KDM6A: variants seen among roughly 807,000 people sequenced by gnomAD.
KDM6A encodes lysine demethylase 6A, also known as lysine-specific demethylase 6A.
In KDM6A, 11 loss-of-function variants were observed where a neutral mutation model predicts 117.6. The observed-to-expected ratio is 0.09, with a 90% CI of 0.06 to 0.15. KDM6A has a LOEUF of 0.15. Among genes scored for constraint, KDM6A ranks in the 10% least tolerant of loss-of-function variants. The pLI, the probability that KDM6A is intolerant of heterozygous loss-of-function variation, is 1.00. For synonymous variants in KDM6A, 384 were observed against 396.1 expected, an observed-to-expected ratio of 0.97 and a Z score of 0.36; for missense variants, 799 against 1,077.3, an observed-to-expected ratio of 0.74 and a Z score of 3.62.
At chrX:45,105,568 A>G (rs1016073922) in intron 27 of KDM6A, among the ~76,000 whole-genome samples, 5 of 111,940 alleles carry the variant, frequency 4.5e-5, no homozygotes, top group African/African-American at 1.3e-4. Context: ...TGTATGGGAC[A>G]TGAGGAGGGA....
At chrX:45,049,787 G>C (rs940684487) in intron 8 of KDM6A, among the ~76,000 whole-genome samples, 1 of 111,982 alleles carries the variant, frequency 8.9e-6, no homozygotes, top group African/African-American at 3.2e-5. Flanking sequence ...CTTAATATGC[G>C]CTCGTTCTTC....
At chrX:45,068,460 C>G (rs2044637333) in intron 17 of KDM6A, among the ~76,000 whole-genome samples, 1 of 107,801 alleles carries the variant, frequency 9.3e-6, no homozygotes, top group East Asian at 2.9e-4. Context: ...TTAACAGTAG[C>G]AGTGTATTTT....
chrX:45,070,708 G>GT (rs761072075), intron 18 of KDM6A, among the ~76,000 whole-genome samples: 607 of 98,757 alleles, frequency 6.1e-3, no homozygotes, highest in East Asian at 0.024. Flanking sequence ...AACCCTATGG[G>GT]TTTTTTTTTT....
At chrX:44,967,085 T>C (rs1771620359) in intron 3 of KDM6A, among the ~76,000 whole-genome samples, 2 of 111,117 alleles carry the variant, frequency 1.8e-5, no homozygotes, top group Admixed American at 1.9e-4. Flanking sequence ...TTAGCCAGGA[T>C]GGTCTTGATC....
At chrX:45,078,287 C>G in intron 19 of KDM6A, 113 bp from the exon 20 acceptor site, 1 of 687,691 alleles carries the variant, frequency 1.5e-6, no homozygotes, top group Non-Finnish European at 2.2e-6. Context: ...GAAATATCAC[C>G]CCATAAAATG....
In KDM6A at chrX:45,112,139, A is replaced by C. The variant is rs1174212182; in HGVS notation, c.*728A>C. On this transcript the variant is annotated 3_prime_UTR_variant, in exon 30 of 30. Transcript: ENST00000611820. Reference sequence around the variant, plus strand: ...TTTTTCCAGATTTACCTGCCATTGAAATTTTAAGGAGTTCTGTAATTTCAA... The same window carrying C: ...TTTTTCCAGATTTACCTGCCATTGACATTTTAAGGAGTTCTGTAATTTCAA... 6.1e-6 allele frequency: 1 copy of C among 163,161 alleles called. No homozygotes were observed. Among genetic ancestry groups the C allele is most frequent in the Non-Finnish European group, 1.2e-5 (1 of 84,923 alleles). The allele number at this position is 163,161 out of a possible 1,213,427, so 13.4% of individuals were successfully genotyped here. A position where few individuals can be genotyped will look rare whatever the true frequency, so the allele number is the denominator to read the frequency against.
chrX:44,964,246 C>T (rs953345987), intron 3 of KDM6A, among the ~76,000 whole-genome samples: 6 of 107,513 alleles, frequency 5.6e-5, no homozygotes, highest in South Asian at 4.4e-4. Context: ...GGTCAAGAGT[C>T]GAGACCCACC....
At chrX:44,880,452 CT>C (rs750171607) in intron 2 of KDM6A, among the ~76,000 whole-genome samples, 1,633 of 91,783 alleles carry the variant, frequency 0.018, 23 homozygotes, top group South Asian at 0.063. Context: ...TTCTGTACTG[CT>C]TTTTTTTTTT....
chrX:44,874,848 C>T (rs1039071063), intron 2 of KDM6A, among the ~76,000 whole-genome samples: 2 of 111,035 alleles, frequency 1.8e-5, no homozygotes, highest in East Asian at 2.8e-4. Flanking sequence ...ATAAGCCTTT[C>T]CTTCGGAGTG....
At chrX:44,895,457 CTTTT>C (rs1225560971) in intron 2 of KDM6A, among the ~76,000 whole-genome samples, 3 of 81,711 alleles carry the variant, frequency 3.7e-5, no homozygotes, top group Admixed American at 1.4e-4. Flanking sequence ...TTATTGATTG[CTTTT>C]TTTTTTTTTT....
intron 2 of KDM6A, among the ~76,000 whole-genome samples, chrX:44,939,226 T>A (rs2037151591): frequency 8.9e-6 from 1 of 112,548 alleles, no homozygotes; most frequent in Non-Finnish European, 1.9e-5. Flanking sequence ...TGGGAAGGAT[T>A]CACCATTCTT....
Position 44,919,885 on chromosome X carries a change from C to T in KDM6A, c.226-41399C>T, listed in dbSNP as rs1306879605. Reference sequence around the variant, plus strand: ...TGGGCCTCCCAAAGTGCTGGGATTACAGGCGTGAGCCACCACGCCTGGCCC... The same window carrying T: ...TGGGCCTCCCAAAGTGCTGGGATTATAGGCGTGAGCCACCACGCCTGGCCC... On this transcript the variant is annotated intron_variant, in intron 2 of 29. Coordinates refer to ENST00000611820, the MANE Select transcript of KDM6A (RefSeq NM_001291415.2). Among the ~76,000 whole-genome samples the T allele has an allele frequency of 6.3e-5, 7 of 111,760 alleles. No homozygotes were observed. The South Asian group carries it at 2.6e-3, about 41-fold the overall frequency.
chrX:45,068,032 C>T (rs1358274221), intron 17 of KDM6A, among the ~76,000 whole-genome samples: 3 of 111,434 alleles, frequency 2.7e-5, no homozygotes, highest in African/African-American at 9.8e-5. Flanking sequence ...AAATTTTCAG[C>T]TTCAGAAACT....
intron 4 of KDM6A, among the ~76,000 whole-genome samples, chrX:44,989,644 A>G (rs886338368): frequency 8.9e-6 from 1 of 112,174 alleles, no homozygotes; most frequent in Non-Finnish European, 1.9e-5. Context: ...CGGAGGCAGA[A>G]GTGCACATGC....
intron 2 of KDM6A, among the ~76,000 whole-genome samples, chrX:44,874,781 AG>A (rs1286073764): frequency 4.2e-4 from 11 of 26,060 alleles, no homozygotes; most frequent in Middle Eastern, 0.019. Flanking sequence ...GAGAAAGTGA[AG>A]GGGGGGGTTA....
At chrX:45,017,536 C>CTTAT (rs371191614) in intron 5 of KDM6A, among the ~76,000 whole-genome samples, 23,947 of 110,255 alleles carry the variant, frequency 0.22, 4,304 homozygotes, top group African/African-American at 0.61. Flanking sequence ...TATTTATTTA[C>CTTAT]TTGTTTTTCT....
chrX:45,083,631 T>C, intron 24 of KDM6A, 23 bp downstream of exon 24: 1 of 1,176,323 alleles, frequency 8.5e-7, no homozygotes, highest in East Asian at 3.0e-5. Flanking sequence ...AACTAACATA[T>C]CTTGTTAAAA....
chrX:44,989,367 C>T (rs1042504587), intron 4 of KDM6A, among the ~76,000 whole-genome samples: 5 of 107,457 alleles, frequency 4.7e-5, no homozygotes, highest in African/African-American at 1.0e-4. Flanking sequence ...GGTGATGCCT[C>T]GCCCTGCTTC....
intron 2 of KDM6A, among the ~76,000 whole-genome samples, chrX:44,887,047 C>T (rs958484097): frequency 3.7e-5 from 4 of 107,218 alleles, no homozygotes; most frequent in Admixed American, 1.0e-4. Context: ...CTCAGCCTCC[C>T]GAGTAGCTGG....
Sources: gnomAD v4.1 joint callset for allele counts (sites outside exome capture counted in the v4.1 genomes callset) on GRCh38, gnomAD v4.1.1 for gene constraint, MANE v1.5 for transcripts, NCBI Gene and HGNC (gene_info 2026-07-23, HGNC 2026-07-21) for gene names.